Variants in MAPT observed in about 807,000 individuals in gnomAD.
MAPT encodes the protein microtubule-associated protein tau.
Under a neutral mutation model 67.9 loss-of-function variants are expected in MAPT, and 34 were observed. The ratio of observed to expected loss-of-function variants is 0.50; its 90% CI spans 0.38 to 0.67. The LOEUF (loss-of-function observed/expected upper bound fraction) is 0.67, where lower values mean the gene tolerates loss of function less well. MAPT is among the 30% of genes least tolerant of loss of function. MAPT has a pLI of 0.00. For synonymous variants in MAPT, 456 were observed against 464.5 expected (o/e 0.98, Z 0.23); for missense variants, 881 against 1,115.2 (o/e 0.79, Z 2.99).
intron 1 of MAPT, among the ~76,000 whole-genome samples, chr17:45,921,126 T>A (rs1222798488): frequency 1.3e-5 from 2 of 152,216 alleles, no homozygotes; most frequent in Non-Finnish European, 2.9e-5. Context: ...GTTGTCCTGC[T>A]AGTAGGACTT....
chr17:45,993,046 TCCTTGGTGGCACGGGCAGCCTATGG>T (rs2074199727), intron 8 of MAPT, among the ~76,000 whole-genome samples: 2 of 152,320 alleles, frequency 1.3e-5, no homozygotes, highest in South Asian at 4.1e-4. Flanking sequence ...CTGCACTTGC[TCCTTGGTGGCACGGGCAGCCTATGG>T]CACTTGCTGC....
intron 9 of MAPT, among the ~76,000 whole-genome samples, chr17:46,001,559 A>G (rs2075003398): frequency 6.6e-6 from 1 of 152,182 alleles, no homozygotes; most frequent in African/African-American, 2.4e-5. Flanking sequence ...ACACTTTGGG[A>G]GGCCGATGCT....
intron 1 of MAPT, among the ~76,000 whole-genome samples, chr17:45,914,503 G>T (rs1244971436): frequency 6.6e-6 from 1 of 152,168 alleles, no homozygotes; most frequent in Non-Finnish European, 1.5e-5. Flanking sequence ...AGTGAGAAAA[G>T]CAGTGAGGAA....
chr17:45,997,462 A>G (rs1282000504), intron 9 of MAPT, among the ~76,000 whole-genome samples: 1 of 152,162 alleles, frequency 6.6e-6, no homozygotes, highest in Admixed American at 6.5e-5. Flanking sequence ...TCATCTTCTT[A>G]TAAGAACACC....
intron 1 of MAPT, among the ~76,000 whole-genome samples, chr17:45,941,741 T>TCCCTCCTTCCTTCCTTCCTGCCTG (rs2068011081): frequency 7.7e-6 from 1 of 129,532 alleles, no homozygotes; most frequent in Non-Finnish European, 1.7e-5. Context: ...CTTCCTTCCT[T>TCCCTCCTTCCTTCCTTCCTGCCTG]CCTTCCTTCC....
intron 2 of MAPT, among the ~76,000 whole-genome samples, chr17:45,964,936 C>T (rs915785680): frequency 5.3e-5 from 8 of 152,300 alleles, no homozygotes; most frequent in African/African-American, 1.9e-4. Context: ...AAGACCTCAA[C>T]CCCGAAGGTT....
chr17:45,928,078 CT>C (rs2066524520), intron 1 of MAPT, among the ~76,000 whole-genome samples: 1 of 147,726 alleles, frequency 6.8e-6, no homozygotes, highest in Non-Finnish European at 1.5e-5. Context: ...GTCCCTGTTA[CT>C]GGAATCCAGC....
chr17:45,996,365 G>A lies in MAPT; in HGVS notation c.1733-34G>A, dbSNP rs779725501. On this transcript the variant is annotated intron_variant, in intron 8 of 12. Transcript: ENST00000262410. The surrounding 1 kb of genome is among the most constrained non-coding windows in gnomAD (Gnocchi z 4.5). ...GGGCCTTTTCTGACCCCACCCACTCGAGTCCTGGCTTCACTCCCTTCCTTC... is the reference window on the plus strand; with the variant it reads ...GGGCCTTTTCTGACCCCACCCACTCAAGTCCTGGCTTCACTCCCTTCCTTC... 1.3e-5 allele frequency: 21 copies of A among 1,606,640 alleles called. No homozygotes were observed. The highest frequency in any genetic ancestry group is 1.7e-5 in the Non-Finnish European group (20 of 1,179,824).
In MAPT at chr17:45,983,546, A is replaced by C. The variant is rs747659618; in HGVS notation, c.967A>C (p.Thr323Pro). Residue 323 changes from threonine (T) to proline (P), a missense_variant, in exon 5 of 13, where the codon ACA becomes CCA. By Grantham distance (38) the Thr-to-Pro change is conservative. Coordinates refer to ENST00000262410, the MANE Select transcript of MAPT (RefSeq NM_001377265.1). Reference sequence around the variant, plus strand: ...AGCCCAAGATGGGCGGCCTCCCCAGACAGCCGCCAGAGAAGCCACCAGCAT... The same window carrying C: ...AGCCCAAGATGGGCGGCCTCCCCAGCCAGCCGCCAGAGAAGCCACCAGCAT... ...SPAQDGRPPQ[T>P]AAREATSIPG... 8 of 1,612,810 alleles carry C rather than the reference A, an allele frequency of 5.0e-6. No individual in the cohort carries two copies. The African/African-American group carries it at 1.1e-4, about 22-fold the overall frequency.
intron 1 of MAPT, among the ~76,000 whole-genome samples, chr17:45,924,280 C>T: frequency 6.6e-6 from 1 of 152,180 alleles, no homozygotes; most frequent in Admixed American, 6.5e-5. Context: ...TCTCCAAAGC[C>T]CACTTCAATT....
chr17:46,001,753 T>A (rs2075020923), intron 9 of MAPT, among the ~76,000 whole-genome samples: 1 of 152,204 alleles, frequency 6.6e-6, no homozygotes, highest in African/African-American at 2.4e-5. Context: ...AGCACCAGGC[T>A]CTGTGCTAAG....
chr17:46,010,588 A>G lies in MAPT; in HGVS notation c.2091+186A>G, dbSNP rs1309077010. Among the ~76,000 whole-genome samples the G allele has an allele frequency of 1.3e-5, 2 of 152,170 alleles. No individual in the cohort carries two copies. The highest frequency in any genetic ancestry group is 6.5e-5 in the Admixed American group (1 of 15,280). ...CCCCCACACGGTCCACTGTTCCCAG[A>G]AGCCCCTTCCTCATATTCTAGGAGG... On this transcript the variant is annotated intron_variant, in intron 10 of 12. Coordinates refer to ENST00000262410, the MANE Select transcript of MAPT (RefSeq NM_001377265.1). The surrounding 1 kb of genome is among the most constrained non-coding windows in gnomAD (Gnocchi z 4.7).
At chr17:45,969,933 TCATCCATTCATC>T (rs1398778362) in intron 2 of MAPT, among the ~76,000 whole-genome samples, 2 of 150,456 alleles carry the variant, frequency 1.3e-5, no homozygotes, top group Admixed American at 6.6e-5. Context: ...CATCTATACA[TCATCCATTCATC>T]CATCCATCCA....
intron 1 of MAPT, among the ~76,000 whole-genome samples, chr17:45,913,553 A>G (rs17563965): frequency 0.14 from 22,029 of 152,194 alleles, 2,142 homozygotes; most frequent in Middle Eastern, 0.22. Flanking sequence ...ACCCTTTGAT[A>G]GCAGGATAGC....
intron 9 of MAPT, among the ~76,000 whole-genome samples, chr17:45,998,680 A>T (rs147667965): frequency 1.3e-5 from 2 of 152,152 alleles, no homozygotes; most frequent in African/African-American, 4.8e-5. Flanking sequence ...ACCTTGGGGA[A>T]ATAACTCACA....
chr17:46,018,757 C>T, intron 12 of MAPT, 27 bp downstream of exon 12: 1 of 1,517,840 alleles, frequency 6.6e-7, no homozygotes, highest in South Asian at 1.1e-5. Context: ...GGGTTGGATG[C>T]TGCCCTTGGG....
intron 2 of MAPT, among the ~76,000 whole-genome samples, chr17:45,970,408 A>G (rs2071544276): frequency 6.6e-6 from 1 of 152,210 alleles, no homozygotes; most frequent in South Asian, 2.1e-4. Flanking sequence ...CCATTCATCC[A>G]TCCATCCGTC....
At chr17:46,005,969 G>A (rs1011489074) in intron 9 of MAPT, among the ~76,000 whole-genome samples, 2 of 152,188 alleles carry the variant, frequency 1.3e-5, no homozygotes, top group East Asian at 3.9e-4. Context: ...GAACCTCAGC[G>A]AGCCTCACAT....
intron 8 of MAPT, among the ~76,000 whole-genome samples, chr17:45,993,017 C>T (rs1299405303): frequency 6.6e-6 from 1 of 152,166 alleles, no homozygotes; most frequent in Non-Finnish European, 1.5e-5. Context: ...AGACTCTGCA[C>T]CATGTAGGGG....
Sources: allele counts gnomAD v4.1 joint callset (sites outside exome capture counted in the v4.1 genomes callset), GRCh38; gene constraint gnomAD v4.1.1; non-coding constraint Gnocchi (gnomAD v3.1); transcripts MANE v1.5; gene names NCBI Gene and HGNC (gene_info 2026-07-23, HGNC 2026-07-21).